Variants in CDH13 observed in about 807,000 individuals in gnomAD.
CDH13 encodes the protein cadherin-13.
CDH13 carries 24 observed loss-of-function variants against 63.8 expected under a neutral mutation model. The ratio of observed to expected loss-of-function variants is 0.38; its 90% CI spans 0.27 to 0.53. The LOEUF is 0.53. CDH13 is among the 20% of genes least tolerant of loss of function. The pLI is 0.85. For synonymous variants in CDH13, 503 were observed against 355.3 expected (o/e 1.42, Z -4.67); for missense variants, 1,049 against 903.1 (o/e 1.16, Z -2.07).
intron 6 of CDH13, among the ~76,000 whole-genome samples, chr16:83,365,425 A>C (rs1223851386): frequency 6.6e-6 from 1 of 152,198 alleles, no homozygotes; most frequent in East Asian, 1.9e-4. Flanking sequence ...ACATGCCCTT[A>C]CATCCAGAAT....
intron 2 of CDH13, among the ~76,000 whole-genome samples, chr16:82,865,914 G>A (rs34211526): frequency 0.86 from 131,374 of 152,216 alleles, 56,788 homozygotes; most frequent in African/African-American, 0.91. Context: ...TTGTGAATAC[G>A]TAAAGCTGAA....
chr16:83,481,434 G>A (rs796076400), intron 6 of CDH13, among the ~76,000 whole-genome samples: 10 of 152,238 alleles, frequency 6.6e-5, no homozygotes, highest in East Asian at 1.9e-4. Context: ...TCAGATCTGC[G>A]CTCTCCTTTC....
Position 83,662,441 on chromosome 16 carries a change from G to A in CDH13, c.1102-8349G>A, listed in dbSNP as rs187842085. ...GTTAGTTGGACCAAGAAAGGACTTT[G>A]ATTATGTTTTCTTAAAAAGAATCTC... On this transcript the variant is annotated intron_variant, in intron 8 of 13. Transcript: ENST00000567109. 1.4e-3 allele frequency among the ~76,000 whole-genome samples: 215 copies of A among 152,298 alleles called. 1 individual carries two copies. Among genetic ancestry groups the A allele is most frequent in the African/African-American group, 4.8e-3 (199 of 41,556 alleles).
At chr16:83,412,464 A>C (rs2055344460) in intron 6 of CDH13, among the ~76,000 whole-genome samples, 1 of 152,202 alleles carries the variant, frequency 6.6e-6, no homozygotes, top group Non-Finnish European at 1.5e-5. Flanking sequence ...TAGGTCTCAA[A>C]AAATAAAAAT....
At chr16:82,846,888 G>T (rs1385796757) in intron 1 of CDH13, among the ~76,000 whole-genome samples, 1 of 151,964 alleles carries the variant, frequency 6.6e-6, no homozygotes, top group Admixed American at 6.6e-5. Context: ...TAAAACAATA[G>T]CAAAAAATAA....
At chr16:83,310,702 A>G (rs575972672) in intron 5 of CDH13, among the ~76,000 whole-genome samples, 2 of 152,164 alleles carry the variant, frequency 1.3e-5, no homozygotes, top group African/African-American at 4.8e-5. Context: ...AATGGGTTGG[A>G]CAGTGTTTGG....
intron 8 of CDH13, among the ~76,000 whole-genome samples, chr16:83,619,929 G>T (rs1909651325): frequency 1.3e-5 from 2 of 152,132 alleles, no homozygotes; most frequent in Admixed American, 6.5e-5. Flanking sequence ...CCTGGGAAGG[G>T]CATGTCTGGC....
At chr16:83,673,029 C>T (rs1003748461) in intron 9 of CDH13, among the ~76,000 whole-genome samples, 6 of 152,190 alleles carry the variant, frequency 3.9e-5, no homozygotes, top group East Asian at 1.9e-4. Context: ...TTATGTACTT[C>T]GTGCATTACT....
At chr16:82,947,233 T>C (rs924948954) in intron 2 of CDH13, among the ~76,000 whole-genome samples, 5 of 152,156 alleles carry the variant, frequency 3.3e-5, no homozygotes, top group Non-Finnish European at 5.9e-5. Context: ...AATGCATCAG[T>C]TGGCAATTTG....
At chr16:83,604,022 T>C (rs1974865) in intron 8 of CDH13, among the ~76,000 whole-genome samples, 152,025 of 152,162 alleles carry the variant, frequency 1, 75,944 homozygotes, top group East Asian at 1. Flanking sequence ...GGTGCTAAAC[T>C]ATTAGAAAGC....
intron 9 of CDH13, among the ~76,000 whole-genome samples, chr16:83,676,245 T>A (rs930548310): frequency 6.6e-6 from 1 of 152,168 alleles, no homozygotes. Flanking sequence ...TCCTCCTGCT[T>A]GTGCATACGT....
At chr16:82,710,532 C>CA (rs71913517) in intron 1 of CDH13, among the ~76,000 whole-genome samples, 10,940 of 55,854 alleles carry the variant, frequency 0.2, 1,554 homozygotes, top group East Asian at 0.29. Flanking sequence ...GACTCTGTCT[C>CA]AAAAAAAAAA....
At chr16:83,493,225 A>G (rs1164276812) in intron 7 of CDH13, among the ~76,000 whole-genome samples, 2 of 152,222 alleles carry the variant, frequency 1.3e-5, no homozygotes, top group African/African-American at 2.4e-5. Context: ...ATGATTGACA[A>G]TGAGACTGAA....
chr16:83,050,550 G>A (rs1367018488), intron 3 of CDH13, among the ~76,000 whole-genome samples: 5 of 152,114 alleles, frequency 3.3e-5, no homozygotes, highest in Admixed American at 3.3e-4. Flanking sequence ...CATTGGAAGT[G>A]CCTGTCCATT....
At chr16:83,017,141 G>C (rs1433865606) in intron 2 of CDH13, among the ~76,000 whole-genome samples, 1 of 152,150 alleles carries the variant, frequency 6.6e-6, no homozygotes, top group Admixed American at 6.5e-5. Context: ...AGGTGTTCTT[G>C]ACTATCTTTA....
rs559097682 is a variant in CDH13 at position 82,895,680 on chromosome 16, C to T, written c.157+37207C>T. 5.3e-3 allele frequency among the ~76,000 whole-genome samples: 590 copies of T among 111,032 alleles called. 3 individuals carry two copies. The highest frequency in any genetic ancestry group is 0.02 in the African/African-American group (552 of 27,744). 72.8% of individuals were successfully genotyped at this position (111,032 alleles called of 152,430 possible). A position where few individuals can be genotyped will look rare whatever the true frequency, so the allele number is the denominator to read the frequency against. On this transcript the variant is annotated intron_variant, in intron 2 of 13. Coordinates refer to ENST00000567109, the MANE Select transcript of CDH13 (RefSeq NM_001257.5). ...CAAACATTACATACTAGGAAAGGGA[C>T]GCCTCTCCCTTTTTTTTTTTTTAAA... is the stretch of plus-strand genomic sequence containing the variant.
At chr16:83,371,592 C>T (rs1240560066) in intron 6 of CDH13, among the ~76,000 whole-genome samples, 7 of 152,100 alleles carry the variant, frequency 4.6e-5, no homozygotes, top group South Asian at 2.1e-4. Flanking sequence ...ATACCTGGTA[C>T]GTTTCCATAA....
intron 6 of CDH13, among the ~76,000 whole-genome samples, chr16:83,408,514 A>C (rs902400565): frequency 6.6e-6 from 1 of 152,200 alleles, no homozygotes; most frequent in Admixed American, 6.5e-5. Flanking sequence ...AACAGTAAAT[A>C]TGTGTGTATC....
At chr16:83,561,778 C>T (rs1253977247) in intron 7 of CDH13, among the ~76,000 whole-genome samples, 1 of 152,150 alleles carries the variant, frequency 6.6e-6, no homozygotes, top group Non-Finnish European at 1.5e-5. Flanking sequence ...CTGCTGATTG[C>T]TGTAGTGGTA....
Sources: allele counts gnomAD v4.1 joint callset (sites outside exome capture counted in the v4.1 genomes callset), GRCh38; gene constraint gnomAD v4.1.1; transcripts MANE v1.5; gene names NCBI Gene and HGNC (gene_info 2026-07-23, HGNC 2026-07-21).